FSTL4: variants seen among roughly 807,000 people sequenced by gnomAD.
FSTL4 encodes the protein follistatin-related protein 4.
FSTL4 carries 28 observed loss-of-function variants against 78.2 expected under a neutral mutation model. That is an observed-to-expected ratio of 0.36 (90% CI 0.27 to 0.49). The LOEUF (loss-of-function observed/expected upper bound fraction) is 0.49. Among genes scored for constraint, FSTL4 ranks in the 20% least tolerant of loss-of-function variants. The pLI is 0.98. For synonymous variants in FSTL4, 422 were observed against 440.5 expected, an observed-to-expected ratio of 0.96 and a Z score of 0.53; for missense variants, 922 against 1,084.9, an observed-to-expected ratio of 0.85 and a Z score of 2.11.
chr5:133,473,561 G>A lies in FSTL4; in HGVS notation c.161-72575C>T, dbSNP rs568153340. On this transcript the variant is annotated intron_variant, in intron 3 of 15. Transcript: ENST00000265342. ...TATTAGGCCAGACCTCTGCCTCCGC[G>A]TCAACACATTACCTACATATGCTTG... Among the ~76,000 whole-genome samples the A allele has an allele frequency of 3.9e-5, 6 of 152,292 alleles. No homozygotes were observed. In the East Asian group the frequency reaches 5.8e-4, roughly 15 times the overall value.
chr5:133,688,411 T>A, the FSTL4 span, among the ~76,000 whole-genome samples: 1 of 151,500 alleles, frequency 6.6e-6, no homozygotes, highest in Admixed American at 6.6e-5. Context: ...AGACTCCGTC[T>A]CAAAAAAAAC....
At chr5:133,323,004 G>C (rs1279758838) in intron 4 of FSTL4, among the ~76,000 whole-genome samples, 1 of 152,204 alleles carries the variant, frequency 6.6e-6, no homozygotes, top group Admixed American at 6.5e-5. Flanking sequence ...TGTTGAATGA[G>C]AGGACCAGAG....
At chr5:133,295,489 T>C (rs1443464314) in intron 6 of FSTL4, among the ~76,000 whole-genome samples, 1 of 152,214 alleles carries the variant, frequency 6.6e-6, no homozygotes, top group African/African-American at 2.4e-5. Flanking sequence ...GCTATCCTTT[T>C]AGCTACTGCC....
At chr5:133,699,877 T>C in the FSTL4 span, among the ~76,000 whole-genome samples, 5 of 61,426 alleles carry the variant, frequency 8.1e-5, no homozygotes, top group Admixed American at 2.0e-4. Context: ...TGAGACTCCA[T>C]CTCAAAAAAA....
chr5:133,328,438 G>A (rs908645537), intron 4 of FSTL4, among the ~76,000 whole-genome samples: 4 of 152,160 alleles, frequency 2.6e-5, no homozygotes, highest in African/African-American at 7.2e-5. Context: ...TTGGATCCCT[G>A]GGAGAGGGAT....
chr5:133,620,508 A>G, the FSTL4 span, among the ~76,000 whole-genome samples: 2 of 152,216 alleles, frequency 1.3e-5, no homozygotes, highest in Non-Finnish European at 2.9e-5. Context: ...TTGTAGACTT[A>G]ACATTTTTTG....
intron 2 of FSTL4, among the ~76,000 whole-genome samples, chr5:133,573,116 C>T (rs374034087): frequency 1.3e-5 from 2 of 151,970 alleles, no homozygotes; most frequent in South Asian, 2.1e-4. Context: ...TGGTGGTGGG[C>T]ACCTGCAGTC....
At chr5:133,516,945 C>T (rs200581741) in intron 3 of FSTL4, among the ~76,000 whole-genome samples, 1 of 152,018 alleles carries the variant, frequency 6.6e-6, no homozygotes, top group Admixed American at 6.6e-5. Flanking sequence ...TGCCTTGAGG[C>T]TGGGCTCCTA....
chr5:133,265,045 C>A (rs1435120559), intron 6 of FSTL4, among the ~76,000 whole-genome samples: 1 of 152,238 alleles, frequency 6.6e-6, no homozygotes, highest in East Asian at 1.9e-4. Flanking sequence ...TCTTCATCCC[C>A]TCTGTGCTGC....
intron 3 of FSTL4, among the ~76,000 whole-genome samples, chr5:133,544,137 AGATT>A (rs1759528084): frequency 6.6e-6 from 1 of 152,166 alleles, no homozygotes; most frequent in Non-Finnish European, 1.5e-5. Context: ...ATTAATACTT[AGATT>A]AACACAAATA....
the FSTL4 span, among the ~76,000 whole-genome samples, chr5:133,711,126 C>T: frequency 6.6e-6 from 1 of 152,180 alleles, no homozygotes; most frequent in East Asian, 1.9e-4. Flanking sequence ...CCTGTTGGGT[C>T]CCAGTGCTGG....
At chr5:133,503,644 C>T (rs1758546085) in intron 3 of FSTL4, among the ~76,000 whole-genome samples, 1 of 152,184 alleles carries the variant, frequency 6.6e-6, no homozygotes, top group Non-Finnish European at 1.5e-5. Flanking sequence ...CAATTTTAGC[C>T]ACTTATGGCT....
chr5:133,785,317 A>C, the FSTL4 span, among the ~76,000 whole-genome samples: 1 of 152,204 alleles, frequency 6.6e-6, no homozygotes, highest in East Asian at 1.9e-4. Flanking sequence ...TAATTCAAAA[A>C]GGCACCTATA....
chr5:133,286,065 G>GGT (rs1364148238), intron 6 of FSTL4, among the ~76,000 whole-genome samples: 1 of 152,166 alleles, frequency 6.6e-6, no homozygotes, highest in Non-Finnish European at 1.5e-5. Flanking sequence ...TTGCAACCTA[G>GGT]GTGTGTGTGT....
the FSTL4 span, among the ~76,000 whole-genome samples, chr5:133,671,423 G>T: frequency 6.6e-6 from 1 of 151,656 alleles, no homozygotes; most frequent in Admixed American, 6.6e-5. Flanking sequence ...TCCTTATTTT[G>T]TAGGTAAAAC....
intron 6 of FSTL4, among the ~76,000 whole-genome samples, chr5:133,310,992 A>G (rs78874966): frequency 0.035 from 5,264 of 152,270 alleles, 299 homozygotes; most frequent in African/African-American, 0.12. Flanking sequence ...AGTGACATGC[A>G]GGTCAATGTA....
intron 3 of FSTL4, among the ~76,000 whole-genome samples, chr5:133,473,826 G>C (rs1308995393): frequency 1.3e-5 from 2 of 152,148 alleles, no homozygotes; most frequent in African/African-American, 4.8e-5. Flanking sequence ...GAGAGACAAT[G>C]AGTGCAGAGT....
intron 2 of FSTL4, among the ~76,000 whole-genome samples, chr5:133,577,576 T>G (rs974903822): frequency 7.9e-5 from 12 of 151,910 alleles, no homozygotes; most frequent in African/African-American, 2.4e-4. Flanking sequence ...TGCCTAGGAG[T>G]TGCCCAATCA....
chr5:133,613,786 G>A (rs1761153959), upstream of FSTL4, among the ~76,000 whole-genome samples: 1 of 152,160 alleles, frequency 6.6e-6, no homozygotes, highest in Non-Finnish European at 1.5e-5. Context: ...ATGAGGGGTT[G>A]GACAAAACCT....
Sources: gnomAD v4.1 joint callset for allele counts (sites outside exome capture counted in the v4.1 genomes callset) on GRCh38, gnomAD v4.1.1 for gene constraint, MANE v1.5 for transcripts, NCBI Gene and HGNC (gene_info 2026-07-23, HGNC 2026-07-21) for gene names.